The following GRID2 variants were observed in gnomAD, a reference collection of about 807,000 sequenced individuals.
GRID2 encodes the protein glutamate receptor ionotropic, delta-2.
In GRID2, 33 loss-of-function variants were observed where a neutral mutation model predicts 114.8. The ratio of observed to expected loss-of-function variants is 0.29; its 90% confidence interval spans 0.22 to 0.38. GRID2 has a LOEUF of 0.38. Ranked by LOEUF, GRID2 falls within the 10% of genes least tolerant of loss-of-function variation. The pLI, the probability that GRID2 is intolerant of heterozygous loss-of-function variation, is 1.00. For synonymous variants in GRID2, 505 were observed against 449.9 expected, an observed-to-expected ratio of 1.12 and a Z score of -1.55; for missense variants, 1,184 against 1,257.7, an observed-to-expected ratio of 0.94 and a Z score of 0.89.
chr4:93,463,974 G>A (rs1724026814), intron 11 of GRID2, among the ~76,000 whole-genome samples: 1 of 151,914 alleles, frequency 6.6e-6, no homozygotes, highest in South Asian at 2.1e-4. Flanking sequence ...GGGCGACACA[G>A]CAAGACTCCA....
chr4:93,772,477 A>G lies in GRID2; in HGVS notation c.3003A>G (p.Pro1001=), dbSNP rs1446328918. 6.3e-7 allele frequency: 1 copy of G among 1,597,580 alleles called. No homozygotes were observed. The highest frequency in any genetic ancestry group is 8.5e-7 in the Non-Finnish European group (1 of 1,171,362). ...TGGGGCTCAATCTGGGTAATGATCC[A>G]GACCGAGGCACCTCCATATGAGCAT... is the stretch of plus-strand genomic sequence containing the variant. ...PTLGLNLGND[P]DRGTSI Residue 1001 remains proline (P), a synonymous_variant, in exon 16 of 16, where the codon CCA becomes CCG. Transcript: ENST00000282020.
At chr4:93,163,020 A>G (rs1161437575) in intron 4 of GRID2, among the ~76,000 whole-genome samples, 1 of 151,956 alleles carries the variant, frequency 6.6e-6, no homozygotes, top group East Asian at 1.9e-4. Flanking sequence ...TGTTTTATAC[A>G]TTTACTTTAA....
chr4:92,572,339 G>T (rs1470642721), intron 1 of GRID2, among the ~76,000 whole-genome samples: 1 of 151,788 alleles, frequency 6.6e-6, no homozygotes, highest in Non-Finnish European at 1.5e-5. Flanking sequence ...CCAGGAAGAA[G>T]TTGAATCTCT....
At chr4:93,425,041 T>A (rs1052894273) in intron 10 of GRID2, among the ~76,000 whole-genome samples, 3 of 152,172 alleles carry the variant, frequency 2.0e-5, no homozygotes, top group Non-Finnish European at 4.4e-5. Context: ...CTGCTGAGAT[T>A]TCCTATCTTT....
At chr4:93,215,551 C>A (rs1744107733) in intron 5 of GRID2, among the ~76,000 whole-genome samples, 1 of 151,902 alleles carries the variant, frequency 6.6e-6, no homozygotes, top group African/African-American at 2.4e-5. Context: ...GCATTTTAAA[C>A]TGAGAAAAAC....
intron 4 of GRID2, among the ~76,000 whole-genome samples, chr4:93,175,143 G>T (rs934092148): frequency 2.0e-5 from 3 of 151,874 alleles, no homozygotes; most frequent in Non-Finnish European, 2.9e-5. Flanking sequence ...TGTTATCATT[G>T]TTTTTTTATT....
intron 14 of GRID2, among the ~76,000 whole-genome samples, chr4:93,729,748 A>G (rs1200721665): frequency 6.6e-6 from 1 of 151,110 alleles, no homozygotes; most frequent in Non-Finnish European, 1.5e-5. Flanking sequence ...GTTTATAGGC[A>G]TGAGCCACCA....
At chr4:93,113,093 G>C (rs1200027668) in intron 4 of GRID2, among the ~76,000 whole-genome samples, 1 of 152,158 alleles carries the variant, frequency 6.6e-6, no homozygotes, top group South Asian at 2.1e-4. Flanking sequence ...TAAGGCAGAG[G>C]AGTATGTTTG....
chr4:92,608,501 A>C (rs558854789), intron 2 of GRID2, among the ~76,000 whole-genome samples: 2 of 151,990 alleles, frequency 1.3e-5, no homozygotes, highest in Non-Finnish European at 2.9e-5. Flanking sequence ...CATTAAAGAA[A>C]GAGATAAGCG....
Position 92,800,624 on chromosome 4 carries a change from T to C in GRID2, c.244+210338T>C, listed in dbSNP as rs538063719. On this transcript the variant is annotated intron_variant, in intron 2 of 15. Coordinates refer to ENST00000282020, the MANE Select transcript of GRID2 (RefSeq NM_001510.4). ...TTGGAACTGGCATCATATTCACTTT[T>C]GATACTTGTGGGCATTCAGAAACAA... Among the ~76,000 whole-genome samples the C allele has an allele frequency of 3.3e-5, 5 of 152,146 alleles. No individual in the cohort carries two copies. In the South Asian group the frequency reaches 8.3e-4, roughly 25 times the overall value.
intron 8 of GRID2, among the ~76,000 whole-genome samples, chr4:93,347,508 C>T (rs1760357248): frequency 6.6e-6 from 1 of 151,946 alleles, no homozygotes; most frequent in South Asian, 2.1e-4. Context: ...GCAGAGATTT[C>T]CTATAAGTGG....
At chr4:92,768,027 A>T (rs1300571501) in intron 2 of GRID2, among the ~76,000 whole-genome samples, 2 of 152,100 alleles carry the variant, frequency 1.3e-5, no homozygotes, top group Non-Finnish European at 2.9e-5. Context: ...TTGTGTACTT[A>T]AAAAATCATA....
intron 14 of GRID2, among the ~76,000 whole-genome samples, chr4:93,727,071 A>T (rs1729983959): frequency 6.6e-6 from 1 of 152,188 alleles, no homozygotes; most frequent in South Asian, 2.1e-4. Flanking sequence ...GCCAGTTTTC[A>T]AAGGTAACGC....
At chr4:92,466,670 AATTC>A (rs760006048) in intron 1 of GRID2, among the ~76,000 whole-genome samples, 10 of 151,806 alleles carry the variant, frequency 6.6e-5, no homozygotes, top group Non-Finnish European at 1.2e-4. Flanking sequence ...TAGCTTTTAT[AATTC>A]ATTCTCCATT....
At chr4:93,489,993 G>T (rs1439266291) in intron 11 of GRID2, among the ~76,000 whole-genome samples, 1 of 151,818 alleles carries the variant, frequency 6.6e-6, no homozygotes, top group Non-Finnish European at 1.5e-5. Flanking sequence ...AAAGTCAGGG[G>T]ACTCGTTGAT....
chr4:92,439,603 T>C (rs13108116), intron 1 of GRID2, among the ~76,000 whole-genome samples: 9 of 145,662 alleles, frequency 6.2e-5, no homozygotes, highest in African/African-American at 2.0e-4. Flanking sequence ...AGGGGTGATA[T>C]TGTGGGGATG....
intron 1 of GRID2, among the ~76,000 whole-genome samples, chr4:92,479,958 G>A (rs1722501457): frequency 6.6e-6 from 1 of 152,088 alleles, no homozygotes; most frequent in Admixed American, 6.6e-5. Context: ...TAGCGTAATT[G>A]ATAGAATGTG....
rs1246218828 is a variant in GRID2, at chr4:92,905,996, T to A, written c.245-178999T>A. 2.0e-5 allele frequency among the ~76,000 whole-genome samples: 3 copies of A among 152,010 alleles called. No individual in the cohort carries two copies. In the South Asian group the frequency reaches 6.2e-4, roughly 32 times the overall value. On this transcript the variant is annotated intron_variant, in intron 2 of 15. Coordinates refer to ENST00000282020, the MANE Select transcript of GRID2 (RefSeq NM_001510.4). ...CTTGGTTTTATCAATCACAAATGGG[T>A]GTAGGGGGTAGAAAATGTGAATAAA...
At chr4:92,959,916 G>A (rs1414076092) in intron 2 of GRID2, among the ~76,000 whole-genome samples, 1 of 151,770 alleles carries the variant, frequency 6.6e-6, no homozygotes, top group Non-Finnish European at 1.5e-5. Context: ...ATGATGGGTT[G>A]ATGAGTGCAT....
Sources: allele counts gnomAD v4.1 joint callset (sites outside exome capture counted in the v4.1 genomes callset), GRCh38; gene constraint gnomAD v4.1.1; transcripts MANE v1.5; gene names NCBI Gene and HGNC (gene_info 2026-07-23, HGNC 2026-07-21).